Variants in SPATA31H1 observed in about 807,000 individuals in gnomAD.
SPATA31H1 encodes SPATA31 subfamily H member 1, also known as spermatogenesis-associated protein 31H1.
At chr2:27,550,983 G>A in the SPATA31H1 span, among the ~76,000 whole-genome samples, 1 of 151,656 alleles carries the variant, frequency 6.6e-6, no homozygotes. Context: ...TCTGCCTGCT[G>A]GATTCAAGTG....
At chr2:27,538,141 G>C in the SPATA31H1 span, among the ~76,000 whole-genome samples, 1 of 152,144 alleles carries the variant, frequency 6.6e-6, no homozygotes, top group Non-Finnish European at 1.5e-5. Context: ...GTTAACAGAG[G>C]TCACACTGTA....
the SPATA31H1 span, chr2:27,577,636 G>T: frequency 1.2e-6 from 2 of 1,613,978 alleles, no homozygotes; most frequent in Non-Finnish European, 1.7e-6. The surrounding 1 kb of genome is among the most constrained non-coding windows in gnomAD (Gnocchi z 4.5). Flanking sequence ...CCTGGGTTAG[G>T]ACATCGAGTT....
At chr2:27,579,380 G>A in the SPATA31H1 span, 1 of 1,614,190 alleles carries the variant, frequency 6.2e-7, no homozygotes, top group Non-Finnish European at 8.5e-7. Flanking sequence ...CTGAACTGAT[G>A]GAACCTTCCC....
At chr2:27,541,805 TCTCC>T in the SPATA31H1 span, among the ~76,000 whole-genome samples, 1 of 151,984 alleles carries the variant, frequency 6.6e-6, no homozygotes, top group Non-Finnish European at 1.5e-5. Context: ...TGAGACAGGT[TCTCC>T]CTCTGTCACC....
At chr2:27,547,076 T>A in the SPATA31H1 span, among the ~76,000 whole-genome samples, 1 of 152,158 alleles carries the variant, frequency 6.6e-6, no homozygotes, top group Non-Finnish European at 1.5e-5. Context: ...CTCTGTTTTG[T>A]TACATTGGTC....
chr2:27,582,602 G>C, the SPATA31H1 span: 1 of 1,422,286 alleles, frequency 7.0e-7, no homozygotes, highest in African/African-American at 1.4e-5. Flanking sequence ...TTCCTGCTCA[G>C]CCACTGCCTC....
the SPATA31H1 span, chr2:27,582,073 T>C: frequency 2.4e-5 from 39 of 1,607,452 alleles, no homozygotes; most frequent in Non-Finnish European, 2.8e-5. Context: ...CACAGGTCCT[T>C]TGAGAGGAGC....
chr2:27,572,185 A>C, the SPATA31H1 span: 1 of 398,470 alleles, frequency 2.5e-6, no homozygotes. Flanking sequence ...TTCAAACATG[A>C]ACCACAGTTG....
the SPATA31H1 span, chr2:27,580,035 A>C: frequency 1.9e-6 from 3 of 1,613,962 alleles, no homozygotes; most frequent in Non-Finnish European, 2.5e-6. Context: ...CCTTGTACGC[A>C]CTCCTGAAGG....
chr2:27,571,546 A>G, the SPATA31H1 span: 1 of 398,384 alleles, frequency 2.5e-6, no homozygotes, highest in African/African-American at 2.1e-5. Flanking sequence ...CAAGATATGA[A>G]AACTGCTAAA....
At chr2:27,579,259 G>A in the SPATA31H1 span, 1 of 1,614,090 alleles carries the variant, frequency 6.2e-7, no homozygotes, top group Non-Finnish European at 8.5e-7. Context: ...CTAATGCTGG[G>A]GAATATTTTA....
At chr2:27,572,640 A>C in the SPATA31H1 span, 1 of 397,904 alleles carries the variant, frequency 2.5e-6, no homozygotes. Flanking sequence ...TGTGGAGTTA[A>C]ACCAAGACTC....
At chr2:27,567,180 C>G in the SPATA31H1 span, 1 of 647,648 alleles carries the variant, frequency 1.5e-6, no homozygotes, top group Non-Finnish European at 2.8e-6. Context: ...GAGCAAGAGT[C>G]ATTTGACATC....
At chr2:27,537,402 G>A in the SPATA31H1 span, 1 of 714,816 alleles carries the variant, frequency 1.4e-6, no homozygotes, top group Non-Finnish European at 2.6e-6. Context: ...GAAAACTCTG[G>A]CTGAGAAGAG....
chr2:27,581,621 G>C, the SPATA31H1 span: 1 of 1,602,978 alleles, frequency 6.2e-7, no homozygotes, highest in Admixed American at 1.7e-5. Context: ...GTCCCTCAGA[G>C]AGAAGCCATT....
the SPATA31H1 span, chr2:27,575,734 C>A: frequency 3.3e-3 from 1,327 of 398,518 alleles, 12 homozygotes; most frequent in African/African-American, 0.023. This position sits in a 1 kb window ranked among gnomAD's most constrained non-coding sequence, Gnocchi z 4.1. Context: ...ATTCCAGCAC[C>A]TAAACTTCAG....
chr2:27,581,408 A>C, the SPATA31H1 span: 3 of 1,613,746 alleles, frequency 1.9e-6, no homozygotes, highest in Non-Finnish European at 2.5e-6. Flanking sequence ...CGTCTCAGAG[A>C]AATCACTGCA....
the SPATA31H1 span, chr2:27,576,519 T>G: frequency 7.3e-7 from 1 of 1,365,370 alleles, no homozygotes. Context: ...TGGGTCACAA[T>G]GCGTTAAATC....
At chr2:27,559,064 A>G in the SPATA31H1 span, among the ~76,000 whole-genome samples, 1 of 152,188 alleles carries the variant, frequency 6.6e-6, no homozygotes, top group Non-Finnish European at 1.5e-5. Flanking sequence ...GTCTTCAGTC[A>G]GTCGGTCTTG....
Sources: allele counts gnomAD v4.1 joint callset (sites outside exome capture counted in the v4.1 genomes callset), GRCh38; gene constraint gnomAD v4.1.1; non-coding constraint Gnocchi (gnomAD v3.1); transcripts MANE v1.5; gene names NCBI Gene and HGNC (gene_info 2026-07-23, HGNC 2026-07-21).